C2CD3: variants seen among roughly 807,000 people sequenced by gnomAD.
The protein encoded by C2CD3 is C2 domain containing 3 centriole elongation regulator.
In C2CD3, 148 loss-of-function variants were observed where a neutral mutation model predicts 234.0. The observed-to-expected ratio is 0.63, with a 90% CI of 0.55 to 0.72. C2CD3 has a LOEUF of 0.72. Ranked by LOEUF, C2CD3 falls within the 30% of genes least tolerant of loss-of-function variation. The probability of loss-of-function intolerance (pLI) is 0.00; values close to 1 mark genes in which losing one functional copy is unlikely to be tolerated. For synonymous variants in C2CD3, 1,000 were observed against 1,035.4 expected, an observed-to-expected ratio of 0.97 and a Z score of 0.66; for missense variants, 2,577 against 2,811.5, an observed-to-expected ratio of 0.92 and a Z score of 1.89.
chr11:74,139,592 G>A lies in C2CD3; in HGVS notation c.707+13C>T, dbSNP rs1225700872. 6.5e-7 allele frequency: 1 copy of A among 1,541,560 alleles called. No individual in the cohort carries two copies. Among genetic ancestry groups the A allele is most frequent in the African/African-American group, 1.4e-5 (1 of 73,454 alleles). ...TAACTGACAGATTGACTGGTATTAG[G>A]TATGGTAATTACCTCGGAGTGGTTG... On this transcript the variant is annotated intron_variant, in intron 4 of 32. Transcript: ENST00000334126.
intron 31 of C2CD3, 25 bp from the exon 32 acceptor site, chr11:74,028,423 A>G: frequency 6.9e-7 from 1 of 1,457,256 alleles, no homozygotes; most frequent in South Asian, 1.2e-5. Context: ...AAGGGACAAA[A>G]ATACCTAGAA....
chr11:74,016,131 A>G (rs1169285809), intron 32 of C2CD3, among the ~76,000 whole-genome samples: 2 of 152,184 alleles, frequency 1.3e-5, no homozygotes, highest in Non-Finnish European at 2.9e-5. Context: ...CCTAAGATCT[A>G]ATCAACTTGA....
Position 74,170,335 on chromosome 11 carries a change from T to C in C2CD3, c.55+403A>G, listed in dbSNP as rs141219757. Among the ~76,000 whole-genome samples the C allele has an allele frequency of 1.1e-3, 162 of 152,364 alleles. 6 individuals are homozygous for C. In the East Asian group the frequency reaches 0.028, roughly 26 times the overall value. On this transcript the variant is annotated intron_variant, in intron 1 of 32. Transcript: ENST00000334126. ...GTACTAATCCTTGGTCATTCAGTAA[T>C]GTATAAAACGTGATTCTTGCCCACA...
intron 3 of C2CD3, among the ~76,000 whole-genome samples, chr11:74,146,747 C>CACACACACACACACACACAA (rs58129019): frequency 2.1e-5 from 3 of 144,108 alleles, no homozygotes; most frequent in Non-Finnish European, 4.6e-5. Flanking sequence ...CACACACACA[C>CACACACACACACACACACAA]AATTAACATA....
In C2CD3 at chr11:74,138,759, G is replaced by C; in HGVS notation, c.916C>G (p.Leu306Val). The change falls in exon 5 of 33, where the codon CTT becomes GTT. Residue 306 changes from leucine (L) to valine (V), a missense_variant. Coordinates refer to ENST00000334126, the MANE Select transcript of C2CD3 (RefSeq NM_001286577.2). The stretch of plus-strand genomic sequence containing the variant: ...TTGGTAGGGAGGTTGTTTGAAGAAA[G>C]AATGCATGAGTCACTGTGACTCTTG... ...VAKSHSDSCI[L>V]SSNNLPTKDL... The C allele has an allele frequency of 6.2e-7, 1 of 1,612,764 alleles. No individual in the cohort carries two copies.
chr11:74,072,477 A>G (rs1178066066), intron 24 of C2CD3, among the ~76,000 whole-genome samples: 2 of 152,248 alleles, frequency 1.3e-5, no homozygotes, highest in East Asian at 3.8e-4. Flanking sequence ...ATCTGAATCA[A>G]ATGATGTATA....
intron 10 of C2CD3, 64 bp from the exon 11 acceptor site, chr11:74,113,956 A>C: frequency 1.0e-6 from 1 of 971,666 alleles, no homozygotes; most frequent in Non-Finnish European, 1.5e-6. Context: ...CGTCTGATAA[A>C]TCCAACATAT....
intron 13 of C2CD3, among the ~76,000 whole-genome samples, chr11:74,104,221 G>A (rs1416286318): frequency 6.6e-6 from 1 of 152,164 alleles, no homozygotes; most frequent in Non-Finnish European, 1.5e-5. Context: ...AAGAAAGGCT[G>A]CAGAACTGTT....
At chr11:74,059,432 A>AG in intron 24 of C2CD3, among the ~76,000 whole-genome samples, 1 of 151,158 alleles carries the variant, frequency 6.6e-6, no homozygotes, top group African/African-American at 2.4e-5. Context: ...AAAAAAAAAA[A>AG]AAAGAAAGAT....
intron 23 of C2CD3, among the ~76,000 whole-genome samples, chr11:74,077,469 T>C (rs976201605): frequency 6.6e-6 from 1 of 151,800 alleles, no homozygotes; most frequent in African/African-American, 2.4e-5. Context: ...TAGGGATGAG[T>C]TCATGTCCTT....
At chr11:74,169,757 A>C (rs1260449922) in intron 1 of C2CD3, among the ~76,000 whole-genome samples, 2 of 152,186 alleles carry the variant, frequency 1.3e-5, no homozygotes, top group African/African-American at 4.8e-5. Context: ...AGGGAGCACT[A>C]GTATGCTTCA....
chr11:74,165,350 C>A (rs994957204), intron 2 of C2CD3, among the ~76,000 whole-genome samples: 2 of 152,098 alleles, frequency 1.3e-5, no homozygotes, highest in African/African-American at 4.8e-5. Flanking sequence ...ATAGTGACTT[C>A]TCCTTTTTTG....
chr11:74,130,442 C>T (rs1957628229), intron 7 of C2CD3, among the ~76,000 whole-genome samples: 1 of 151,758 alleles, frequency 6.6e-6, no homozygotes, highest in Non-Finnish European at 1.5e-5. Flanking sequence ...CTATGTAGTC[C>T]AGGCTGGTCT....
Position 74,103,377 on chromosome 11 carries a change from A to T in C2CD3, c.2334T>A (p.Pro778=), listed in dbSNP as rs1187802996. The change falls in exon 14 of 33, where the codon CCT becomes CCA. Residue 778 remains proline (P), a synonymous_variant. Transcript: ENST00000334126. The part of the protein sequence containing the change: ...RKSPSPVAPH[P]STFVATPASH... Reference sequence around the variant, plus strand: ...AGGCTGGCGTAGCTACGAAGGTTGAAGGATGTGGTGCTACAGGGCTTGGTG... The same window carrying T: ...AGGCTGGCGTAGCTACGAAGGTTGATGGATGTGGTGCTACAGGGCTTGGTG... 1 of 1,614,068 alleles carries T rather than the reference A, an allele frequency of 6.2e-7. No homozygotes were observed. Among genetic ancestry groups the T allele is most frequent in the East Asian group, 2.2e-5 (1 of 44,898 alleles).
chr11:74,119,635 CTTT>C (rs527594045), intron 8 of C2CD3, among the ~76,000 whole-genome samples: 5 of 137,602 alleles, frequency 3.6e-5, no homozygotes, highest in Admixed American at 7.3e-5. Context: ...AGCAATACAA[CTTT>C]TTTTTTTTTT....
Position 74,040,894 on chromosome 11 carries a change from TCA to T in C2CD3, c.5660+1158_5660+1159del, listed in dbSNP as rs1010579671. On this transcript the variant is annotated intron_variant, in intron 29 of 32. Coordinates refer to ENST00000334126, the MANE Select transcript of C2CD3 (RefSeq NM_001286577.2). ...GGGCAGCATAGGAAGCCTTTATCTA[TCA>T]CACACACACACGCACACACACACAC... is the stretch of plus-strand genomic sequence containing the variant. 1.5e-4 allele frequency among the ~76,000 whole-genome samples: 22 copies of T among 148,800 alleles called. 1 individual carries two copies. Among genetic ancestry groups the T allele is most frequent in the Admixed American group, 1.1e-3 (17 of 15,038 alleles).
At chr11:74,044,181 G>A (rs1953233081) in intron 28 of C2CD3, among the ~76,000 whole-genome samples, 1 of 151,962 alleles carries the variant, frequency 6.6e-6, no homozygotes, top group South Asian at 2.1e-4. Flanking sequence ...TAACTGGCCG[G>A]GCACAGTGGC....
intron 11 of C2CD3, among the ~76,000 whole-genome samples, chr11:74,109,932 T>C (rs1956681532): frequency 6.9e-6 from 1 of 145,146 alleles, no homozygotes; most frequent in Non-Finnish European, 1.5e-5. Flanking sequence ...CAAAAAAAAA[T>C]TAGCTGGGCG....
chr11:74,049,351 T>C lies in C2CD3; in HGVS notation c.5347A>G (p.Thr1783Ala). The part of the protein sequence containing the change: ...EERQARRGVE[T>A]SKSLIPIYSP... The stretch of plus-strand genomic sequence containing the variant: ...TCCATACATACCAGTGATTTTGAGG[T>C]CTCCACTCCACGCCTTGCTTGCCTT... The change falls in exon 27 of 33, where the codon ACC (threonine) becomes GCC (alanine). Residue 1783 changes from threonine to alanine, a missense_variant. By Grantham distance (58) the Thr-to-Ala change is moderately conservative (BLOSUM62 0). Coordinates refer to ENST00000334126, the MANE Select transcript of C2CD3 (RefSeq NM_001286577.2). The C allele has an allele frequency of 6.2e-7, 1 of 1,613,986 alleles. No homozygotes were observed. The highest frequency in any genetic ancestry group is 8.5e-7 in the Non-Finnish European group (1 of 1,179,874).
Sources: allele counts gnomAD v4.1 joint callset (sites outside exome capture counted in the v4.1 genomes callset), GRCh38; gene constraint gnomAD v4.1.1; transcripts MANE v1.5; gene names NCBI Gene and HGNC (gene_info 2026-07-23, HGNC 2026-07-21).